PDE3B: variants seen among roughly 807,000 people sequenced by gnomAD.
The protein encoded by PDE3B is cGMP-inhibited 3',5'-cyclic phosphodiesterase 3B.
A neutral mutation model predicts 116.8 loss-of-function variants in PDE3B; 66 were observed. That is an observed-to-expected ratio of 0.56 (90% confidence interval 0.46 to 0.69). The LOEUF is 0.69. PDE3B is among the 30% of genes least tolerant of loss of function. PDE3B has a pLI of 0.00. For synonymous variants in PDE3B, 595 were observed against 533.6 expected (o/e 1.12, Z -1.59); for missense variants, 1,384 against 1,368.1 (o/e 1.01, Z -0.18).
At chr11:14,668,622 AT>A (rs1364185778) in intron 1 of PDE3B, among the ~76,000 whole-genome samples, 2 of 152,166 alleles carry the variant, frequency 1.3e-5, no homozygotes, top group African/African-American at 4.8e-5. Context: ...TACCCATTTA[AT>A]AGAGTTCTCC....
At chr11:14,891,762 G>T in the PDE3B span, 1 of 1,380,912 alleles carries the variant, frequency 7.2e-7, no homozygotes, top group Non-Finnish European at 9.3e-7. Flanking sequence ...GGCCCGGAGT[G>T]GGTCACCGGC....
intron 12 of PDE3B, among the ~76,000 whole-genome samples, chr11:14,852,802 T>G (rs1329645114): frequency 6.6e-6 from 1 of 152,180 alleles, no homozygotes; most frequent in East Asian, 1.9e-4. Context: ...GGCTCACACC[T>G]GTAATCTCAG....
intron 2 of PDE3B, chr11:14,772,733 G>A (rs2133899270): frequency 6.6e-6 from 1 of 151,764 alleles, no homozygotes; most frequent in East Asian, 1.9e-4. Flanking sequence ...AATGAAAATA[G>A]AAGTATTTAA....
chr11:14,655,025 T>TA (rs1853673988), intron 1 of PDE3B, among the ~76,000 whole-genome samples: 1 of 152,132 alleles, frequency 6.6e-6, no homozygotes, highest in Admixed American at 6.5e-5. Context: ...TAAATCTAGA[T>TA]ACTACCACGA....
intron 1 of PDE3B, among the ~76,000 whole-genome samples, chr11:14,653,665 T>C (rs941066449): frequency 3.3e-5 from 5 of 151,866 alleles, no homozygotes; most frequent in African/African-American, 1.2e-4. Flanking sequence ...AGAAATAAAA[T>C]AGAAACCTGA....
chr11:14,646,284 G>A (rs1347765605), intron 1 of PDE3B, among the ~76,000 whole-genome samples: 2 of 152,020 alleles, frequency 1.3e-5, no homozygotes, highest in African/African-American at 2.4e-5. Context: ...TCTTCTCTTC[G>A]AAATAATCTC....
At chr11:14,862,814 C>T (rs549235700) in intron 14 of PDE3B, among the ~76,000 whole-genome samples, 50 of 152,074 alleles carry the variant, frequency 3.3e-4, no homozygotes, top group Non-Finnish European at 5.3e-4. Context: ...CCTTGTGATC[C>T]GCCCACCTCG....
intron 2 of PDE3B, among the ~76,000 whole-genome samples, chr11:14,779,647 T>C (rs1482155351): frequency 6.6e-6 from 1 of 152,100 alleles, no homozygotes; most frequent in South Asian, 2.1e-4. Flanking sequence ...CAGGCCTGCC[T>C]TACAAGAGCT....
chr11:14,759,536 C>G (rs577375225), intron 1 of PDE3B, among the ~76,000 whole-genome samples: 2 of 149,556 alleles, frequency 1.3e-5, no homozygotes, highest in East Asian at 2.0e-4. Flanking sequence ...GTTCCACTGT[C>G]TATCAGAAGT....
chr11:14,734,962 C>A (rs1359253404), intron 1 of PDE3B, among the ~76,000 whole-genome samples: 1 of 151,958 alleles, frequency 6.6e-6, no homozygotes, highest in Non-Finnish European at 1.5e-5. Context: ...CATTTTTTTC[C>A]AAACCAGGCA....
the PDE3B span, chr11:14,892,356 G>T: frequency 1.4e-6 from 1 of 716,118 alleles, no homozygotes; most frequent in Non-Finnish European, 2.3e-6. Flanking sequence ...GCCCCTTCGG[G>T]ACAACTACCT....
chr11:14,794,222 C>T (rs1858476874), intron 4 of PDE3B, among the ~76,000 whole-genome samples: 1 of 152,204 alleles, frequency 6.6e-6, no homozygotes, highest in South Asian at 2.1e-4. Context: ...GGATTTCTCC[C>T]CACCAGCAAG....
Position 14,710,764 on chromosome 11 carries a change from C to G in PDE3B, c.979-61173C>G, listed in dbSNP as rs1321350125. 2.0e-5 allele frequency among the ~76,000 whole-genome samples: 3 copies of G among 152,176 alleles called. No homozygotes were observed. The East Asian group carries it at 5.8e-4, about 29-fold the overall frequency. ...GGAGATCCAGTTCCATTTTTTTAGG[C>G]TATCCTTCCTATAGCTCTTCTTTCA... On this transcript the variant is annotated intron_variant, in intron 1 of 15. Coordinates refer to ENST00000282096, the MANE Select transcript of PDE3B (RefSeq NM_000922.4).
rs182182895 is a variant in PDE3B, at chr11:14,658,647, G to A, written c.978+13594G>A. Among the ~76,000 whole-genome samples, 396 of 152,286 alleles carry A rather than the reference G, an allele frequency of 2.6e-3. 1 individual carries two copies. Among genetic ancestry groups the A allele is most frequent in the African/African-American group, 9.0e-3 (376 of 41,566 alleles). The stretch of plus-strand genomic sequence containing the variant: ...TGAGATTACAGGCATGAGCCACCGC[G>A]CCAGATGTCACCTTTCTTGTAACTA... On this transcript the variant is annotated intron_variant, in intron 1 of 15. Coordinates refer to ENST00000282096, the MANE Select transcript of PDE3B (RefSeq NM_000922.4).
intron 1 of PDE3B, among the ~76,000 whole-genome samples, chr11:14,700,346 C>G (rs1855327839): frequency 6.6e-6 from 1 of 151,576 alleles, no homozygotes; most frequent in Middle Eastern, 3.2e-3. Context: ...AATACTTGCT[C>G]TTGAAGTTGT....
chr11:14,664,083 A>G (rs1000228820), intron 1 of PDE3B, among the ~76,000 whole-genome samples: 1 of 152,238 alleles, frequency 6.6e-6, no homozygotes, highest in African/African-American at 2.4e-5. Context: ...ACCACAGTGC[A>G]ATCAAACTAG....
At chr11:14,822,620 G>T (rs1473290892) in intron 7 of PDE3B, among the ~76,000 whole-genome samples, 1 of 152,174 alleles carries the variant, frequency 6.6e-6, no homozygotes, top group Admixed American at 6.5e-5. Flanking sequence ...CTGCACCAGG[G>T]CTTGCAGTCT....
the PDE3B span, among the ~76,000 whole-genome samples, chr11:14,898,163 A>T: frequency 1.3e-5 from 2 of 151,706 alleles, no homozygotes; most frequent in African/African-American, 4.9e-5. Flanking sequence ...CCAGCAGAAG[A>T]TGTGTTTTGC....
chr11:14,844,036 A>G lies in PDE3B; in HGVS notation c.2520+10A>G, dbSNP rs1847532361. On this transcript the variant is annotated intron_variant, in intron 12 of 15. Coordinates refer to ENST00000282096, the MANE Select transcript of PDE3B (RefSeq NM_000922.4). ...TACAAATGCCCCTCAGGTAGGAAAT[A>G]TTTTTAAGAACCTTTAAAGAGTAAT... 6.2e-7 allele frequency: 1 copy of G among 1,600,246 alleles called. No homozygotes were observed. Among genetic ancestry groups the G allele is most frequent in the Non-Finnish European group, 8.6e-7 (1 of 1,167,712 alleles).
Sources: gnomAD v4.1 joint callset for allele counts (sites outside exome capture counted in the v4.1 genomes callset) on GRCh38, gnomAD v4.1.1 for gene constraint, MANE v1.5 for transcripts, NCBI Gene and HGNC (gene_info 2026-07-23, HGNC 2026-07-21) for gene names.